Variants in NLGN4Y observed in about 807,000 individuals in gnomAD.
NLGN4Y encodes neuroligin-4, Y-linked.
NLGN4Y carries 4 observed loss-of-function variants against 8.4 expected under a neutral mutation model. The ratio of observed to expected loss-of-function variants is 0.48; its 90% confidence interval spans 0.23 to 1.09. NLGN4Y has a LOEUF of 1.09. Ranked by LOEUF, NLGN4Y falls within the 50% of genes least tolerant of loss-of-function variation. The probability of loss-of-function intolerance (pLI) is 0.19; values close to 1 mark genes in which losing one functional copy is unlikely to be tolerated. For missense variants in NLGN4Y, 90 were observed against 192.3 expected (o/e 0.47, Z 3.15); for synonymous variants, 35 against 75.6 (o/e 0.46, Z 2.78).
chrY:14,539,009 G>C, intron 1 of NLGN4Y, among the ~76,000 whole-genome samples: 1 of 33,869 alleles, frequency 3.0e-5, no homozygotes, highest in Non-Finnish European at 7.3e-5. Flanking sequence ...TAGATTAAGA[G>C]TCAAAAGGGC....
At chrY:14,794,886 T>A (rs985809826) in intron 4 of NLGN4Y, among the ~76,000 whole-genome samples, 10 of 33,875 alleles carry the variant, frequency 3.0e-4, no homozygotes, top group East Asian at 2.3e-3. Context: ...TTAAAAAAAA[T>A]TTTATTTTGA....
intron 2 of NLGN4Y, among the ~76,000 whole-genome samples, chrY:14,695,682 C>T: frequency 3.0e-5 from 1 of 33,301 alleles, no homozygotes; most frequent in Non-Finnish European, 7.4e-5. Flanking sequence ...AAGAAGGATG[C>T]GGTGGCTGTC....
intron 4 of NLGN4Y, among the ~76,000 whole-genome samples, chrY:14,792,851 AGTGTGTGTGTGT>A (rs1569375425): frequency 4.4e-4 from 4 of 9,102 alleles, no homozygotes; most frequent in Non-Finnish European, 6.4e-4. Context: ...AGAGAGAGAG[AGTGTGTGTGTGT>A]GTGTGTGTGT....
At chrY:14,773,560 GA>G (rs2081115224) in intron 4 of NLGN4Y, among the ~76,000 whole-genome samples, 10 of 27,963 alleles carry the variant, frequency 3.6e-4, no homozygotes, top group African/African-American at 8.3e-4. Flanking sequence ...CACAGAATTA[GA>G]AAAAAAAAAC....
At chrY:14,822,041 G>T in intron 4 of NLGN4Y, among the ~76,000 whole-genome samples, 4 of 33,572 alleles carry the variant, frequency 1.2e-4, no homozygotes, top group Non-Finnish European at 2.2e-4. Flanking sequence ...GATGAAAGGA[G>T]TATACTCTTG....
chrY:14,795,308 A>AT (rs2043002436), intron 4 of NLGN4Y, among the ~76,000 whole-genome samples: 3 of 32,597 alleles, frequency 9.2e-5, no homozygotes, highest in African/African-American at 1.2e-4. Flanking sequence ...ATTAGAGGTA[A>AT]TTTTTTTTTC....
intron 4 of NLGN4Y, chrY:14,793,907 C>T (rs2042997042): frequency 3.6e-5 from 1 of 27,615 alleles, no homozygotes; most frequent in Admixed American, 3.4e-4. Context: ...AGAAGAATGG[C>T]CTGAACCCGG....
chrY:14,809,919 A>G, intron 4 of NLGN4Y, among the ~76,000 whole-genome samples: 1 of 33,796 alleles, frequency 3.0e-5, no homozygotes, highest in African/African-American at 1.2e-4. Flanking sequence ...ATGCATCAGA[A>G]TAAAGATTTT....
At chrY:14,822,074 G>C (rs973817799) in intron 4 of NLGN4Y, among the ~76,000 whole-genome samples, 4 of 33,778 alleles carry the variant, frequency 1.2e-4, no homozygotes, top group Admixed American at 1.1e-3. Context: ...AATTATTTCA[G>C]TCATTCTGTA....
At chrY:14,777,704 G>A in intron 4 of NLGN4Y, among the ~76,000 whole-genome samples, 1 of 29,907 alleles carries the variant, frequency 3.3e-5, no homozygotes, top group East Asian at 9.0e-4. Context: ...AAATTGCCGT[G>A]GTTCATGGAG....
chrY:14,647,344 T>C (rs2080614465), intron 2 of NLGN4Y, among the ~76,000 whole-genome samples: 1 of 33,862 alleles, frequency 3.0e-5, no homozygotes, highest in African/African-American at 1.1e-4. Flanking sequence ...AGGAGACCTT[T>C]GTCTCAATTT....
chrY:14,663,882 C>T (rs2150525242), intron 2 of NLGN4Y, among the ~76,000 whole-genome samples: 1 of 32,481 alleles, frequency 3.1e-5, no homozygotes, highest in East Asian at 8.2e-4. Context: ...TATTTAATTA[C>T]ATTTCTTTCA....
intron 3 of NLGN4Y, among the ~76,000 whole-genome samples, chrY:14,720,020 C>T: frequency 3.0e-5 from 1 of 33,184 alleles, no homozygotes; most frequent in Non-Finnish European, 7.5e-5. Context: ...TCTTTACAAA[C>T]ATATTGATTC....
intron 2 of NLGN4Y, among the ~76,000 whole-genome samples, chrY:14,715,428 G>A (rs2080912093): frequency 3.0e-5 from 1 of 33,473 alleles, no homozygotes; most frequent in Non-Finnish European, 7.4e-5. Context: ...ATAACAAAAT[G>A]TGGTACATAT....
intron 6 of NLGN4Y, among the ~76,000 whole-genome samples, chrY:14,837,887 A>G (rs2043202748): frequency 3.0e-5 from 1 of 33,424 alleles, no homozygotes; most frequent in Non-Finnish European, 7.4e-5. Flanking sequence ...AATAGTCAAC[A>G]TGAACAGAAT....
At chrY:14,826,424 C>T in intron 5 of NLGN4Y, among the ~76,000 whole-genome samples, 1 of 27,620 alleles carries the variant, frequency 3.6e-5, no homozygotes, top group Non-Finnish European at 8.4e-5. Flanking sequence ...ATGTCAACCT[C>T]TGTCTCCCAG....
chrY:14,524,369 C>T, upstream of NLGN4Y: 3 of 90,233 alleles, frequency 3.3e-5, no homozygotes, highest in Non-Finnish European at 7.5e-5. Context: ...ACCACCCGCT[C>T]CTTCCTCCCG....
chrY:14,615,483 C>G (rs2080485441), intron 1 of NLGN4Y, among the ~76,000 whole-genome samples: 1 of 33,231 alleles, frequency 3.0e-5, no homozygotes, highest in Non-Finnish European at 7.4e-5. Flanking sequence ...GAGAGGGCAT[C>G]CTTGTTTGTG....
intron 2 of NLGN4Y, among the ~76,000 whole-genome samples, chrY:14,653,921 A>G (rs748033266): frequency 2.9e-5 from 1 of 34,026 alleles, no homozygotes; most frequent in African/African-American, 1.1e-4. Context: ...ACCTCAAGGG[A>G]TCCACCTGCC....
Sources: gnomAD v4.1 joint callset for allele counts (sites outside exome capture counted in the v4.1 genomes callset) on GRCh38, gnomAD v4.1.1 for gene constraint, MANE v1.5 for transcripts, NCBI Gene and HGNC (gene_info 2026-07-23, HGNC 2026-07-21) for gene names.